The following FAM200B variants were observed in gnomAD, a reference collection of about 807,000 sequenced individuals.
The protein encoded by FAM200B is protein FAM200B.
FAM200B carries 32 observed loss-of-function variants against 33.1 expected under a neutral mutation model. The ratio of observed to expected loss-of-function variants is 0.97; its 90% CI spans 0.73 to 1.30. FAM200B has a LOEUF of 1.30. Ranked by LOEUF, FAM200B falls within the 50% of genes most tolerant of loss-of-function variation. The pLI is 0.00. For missense variants in FAM200B, 741 were observed against 754.0 expected (o/e 0.98, Z 0.20); for synonymous variants, 240 against 264.8 (o/e 0.91, Z 0.91).
chr4:15,638,751 A>G, the FAM200B span: 1 of 1,084,006 alleles, frequency 9.2e-7, no homozygotes, highest in South Asian at 1.5e-5. Flanking sequence ...GATTTACTCT[A>G]AACCCTTTTA....
chr4:15,666,541 G>GCTCC, the FAM200B span, among the ~76,000 whole-genome samples: 1 of 150,140 alleles, frequency 6.7e-6, no homozygotes, highest in Non-Finnish European at 1.5e-5. Flanking sequence ...AGCATGCAAA[G>GCTCC]TGTCAGGTAG....
the FAM200B span, among the ~76,000 whole-genome samples, chr4:15,642,477 C>A: frequency 6.6e-6 from 1 of 152,108 alleles, no homozygotes; most frequent in Non-Finnish European, 1.5e-5. Context: ...CTCAAGTGAT[C>A]TGCCCGCCTC....
At chr4:15,674,967 T>C in the FAM200B span, among the ~76,000 whole-genome samples, 2 of 152,144 alleles carry the variant, frequency 1.3e-5, no homozygotes, top group Admixed American at 1.3e-4. Flanking sequence ...TTTTTAATGA[T>C]AAATTAATTT....
At chr4:15,652,355 C>T in the FAM200B span, among the ~76,000 whole-genome samples, 1 of 152,178 alleles carries the variant, frequency 6.6e-6, no homozygotes, top group African/African-American at 2.4e-5. Flanking sequence ...GAATCTACCA[C>T]TAGCTGCTTA....
chr4:15,675,572 ATTTTT>A, the FAM200B span, among the ~76,000 whole-genome samples: 2 of 96,702 alleles, frequency 2.1e-5, no homozygotes, highest in African/African-American at 3.9e-5. Context: ...CAAAACTCCT[ATTTTT>A]TTTTTTTTTT....
chr4:15,647,296 T>C, the FAM200B span, among the ~76,000 whole-genome samples: 1 of 126,998 alleles, frequency 7.9e-6, no homozygotes, highest in Admixed American at 7.6e-5. Flanking sequence ...AAAAACAATA[T>C]AACAACTACA....
At chr4:15,658,616 G>A in the FAM200B span, among the ~76,000 whole-genome samples, 11 of 152,202 alleles carry the variant, frequency 7.2e-5, 1 homozygote, top group East Asian at 1.9e-3. Flanking sequence ...CTGCAGAGTC[G>A]CCACCAGAAA....
At chr4:15,682,888 G>A (rs999298439) in intron 1 of FAM200B, among the ~76,000 whole-genome samples, 1 of 152,218 alleles carries the variant, frequency 6.6e-6, no homozygotes, top group South Asian at 2.1e-4. Flanking sequence ...GTACTGAAAT[G>A]TAGAATGTAT....
the FAM200B span, among the ~76,000 whole-genome samples, chr4:15,675,657 C>T: frequency 6.8e-6 from 1 of 146,450 alleles, no homozygotes; most frequent in Non-Finnish European, 1.5e-5. Context: ...TCTCAGCTCA[C>T]TGCAACCTCT....
chr4:15,678,896 C>T (rs919131898), upstream of FAM200B, among the ~76,000 whole-genome samples: 2 of 152,020 alleles, frequency 1.3e-5, no homozygotes, highest in African/African-American at 4.8e-5. Flanking sequence ...ATTTGCAGAT[C>T]ATCATAGCTT....
At chr4:15,639,386 C>T in the FAM200B span, among the ~76,000 whole-genome samples, 1 of 152,180 alleles carries the variant, frequency 6.6e-6, no homozygotes, top group African/African-American at 2.4e-5. Flanking sequence ...GAGAGTAGTA[C>T]CCAGTGTAGT....
At chr4:15,664,183 G>A in the FAM200B span, among the ~76,000 whole-genome samples, 42,164 of 151,862 alleles carry the variant, frequency 0.28, 6,086 homozygotes, top group East Asian at 0.47. Context: ...CCATCACTCA[G>A]TATCTTAATA....
the FAM200B span, among the ~76,000 whole-genome samples, chr4:15,657,604 C>T: frequency 6.6e-6 from 1 of 152,204 alleles, no homozygotes; most frequent in African/African-American, 2.4e-5. Context: ...CTGGCCATTT[C>T]AAGGAATTTG....
the FAM200B span, among the ~76,000 whole-genome samples, chr4:15,675,556 C>T: frequency 6.7e-6 from 1 of 149,420 alleles, no homozygotes; most frequent in Non-Finnish European, 1.5e-5. Context: ...CTTAACTTCT[C>T]GGTCACAAAA....
chr4:15,641,426 T>C, the FAM200B span: 2 of 355,686 alleles, frequency 5.6e-6, no homozygotes, highest in African/African-American at 4.5e-5. Context: ...ACAATGAGGA[T>C]AAAGACATTT....
the FAM200B span, among the ~76,000 whole-genome samples, chr4:15,641,120 C>T: frequency 2.6e-5 from 4 of 152,164 alleles, no homozygotes; most frequent in Admixed American, 6.5e-5. Flanking sequence ...AAAAATAGCA[C>T]GTATCTGCCC....
upstream of FAM200B, among the ~76,000 whole-genome samples, chr4:15,679,810 G>T (rs187538569): frequency 6.6e-6 from 1 of 151,080 alleles, no homozygotes; most frequent in East Asian, 1.9e-4. Flanking sequence ...TCTGCTGATA[G>T]GAGTGTAAAA....
the FAM200B span, among the ~76,000 whole-genome samples, chr4:15,674,638 G>T: frequency 6.7e-6 from 1 of 149,336 alleles, no homozygotes; most frequent in Admixed American, 6.6e-5. Context: ...GATTATCAAC[G>T]TTATGGGATT....
chr4:15,670,637 C>T, the FAM200B span, among the ~76,000 whole-genome samples: 1 of 152,076 alleles, frequency 6.6e-6, no homozygotes, highest in East Asian at 1.9e-4. Context: ...CCCTGGGCCC[C>T]TCCCCCCACA....
Sources: allele counts gnomAD v4.1 joint callset (sites outside exome capture counted in the v4.1 genomes callset), GRCh38; gene constraint gnomAD v4.1.1; transcripts MANE v1.5; gene names NCBI Gene and HGNC (gene_info 2026-07-23, HGNC 2026-07-21).